The following ST7L variants were observed in gnomAD, a reference collection of about 807,000 sequenced individuals.
The protein encoded by ST7L is suppressor of tumorigenicity 7 protein-like.
A neutral mutation model predicts 72.5 loss-of-function variants in ST7L; 57 were observed. That is an observed-to-expected ratio of 0.79 (90% CI 0.64 to 0.98). The LOEUF is 0.98. ST7L is among the 50% of genes least tolerant of loss of function. ST7L has a pLI of 0.00. For synonymous variants in ST7L, 221 were observed against 240.9 expected, an observed-to-expected ratio of 0.92 and a Z score of 0.77; for missense variants, 576 against 672.2, an observed-to-expected ratio of 0.86 and a Z score of 1.58.
intron 2 of ST7L, among the ~76,000 whole-genome samples, chr1:112,616,051 T>C (rs1669824707): frequency 6.6e-6 from 1 of 152,124 alleles, no homozygotes; most frequent in South Asian, 2.1e-4. Flanking sequence ...TGGGTTCTCT[T>C]TAAATCATTT....
chr1:112,521,923 A>G (rs1652903312), downstream of ST7L: 1 of 152,192 alleles, frequency 6.6e-6, no homozygotes. Flanking sequence ...CGGGTTAAAA[A>G]TCACAGCTGT....
rs115118858 is a variant in ST7L at position 112,611,581 on chromosome 1, T to C, written c.289-578A>G. On this transcript the variant is annotated intron_variant, in intron 2 of 14. Transcript: ENST00000358039. ...AAGGTTAAGGTCAAGTTGATTCCCA[T>C]ATTGAACCATTTAAAAATCAGGATA... Among the ~76,000 whole-genome samples, 112 of 152,326 alleles carry C rather than the reference T, an allele frequency of 7.4e-4. 1 individual carries two copies. The highest frequency in any genetic ancestry group is 2.6e-3 in the African/African-American group (108 of 41,570).
chr1:112,523,771 T>C lies in ST7L; in HGVS notation c.*2242A>G, dbSNP rs1363130820. The C allele has an allele frequency of 1.3e-5, 2 of 152,126 alleles. No homozygotes were observed. The highest frequency in any genetic ancestry group is 4.8e-5 in the African/African-American group (2 of 41,412). The allele number at this position is 152,126 out of a possible 1,614,324, so 9.4% of individuals were successfully genotyped here. On this transcript the variant is annotated 3_prime_UTR_variant, in exon 15 of 15. Coordinates refer to ENST00000358039, the MANE Select transcript of ST7L (RefSeq NM_017744.5). ...GCTATTTAGATACAAACTTAAAACA[T>C]ACTATATATTTTAAGGATCTAAGAA...
At chr1:112,602,092 AAAAAAAAAAAAG>A (rs1485792462) in intron 3 of ST7L, among the ~76,000 whole-genome samples, 4 of 93,432 alleles carry the variant, frequency 4.3e-5, no homozygotes, top group African/African-American at 1.5e-4. Context: ...CCAAAAAAAA[AAAAAAAAAAAAG>A]AAAAGAAAAG....
chr1:112,619,680 G>C (rs187457672), upstream of ST7L: 48 of 600,090 alleles, frequency 8.0e-5, no homozygotes, highest in East Asian at 1.3e-3. Context: ...GCGGGCGCGG[G>C]CGCTGGCGTT....
At chr1:112,614,037 G>GT (rs1488399789) in intron 2 of ST7L, among the ~76,000 whole-genome samples, 1 of 152,062 alleles carries the variant, frequency 6.6e-6, no homozygotes, top group Non-Finnish European at 1.5e-5. Context: ...GCCACAAAAA[G>GT]TTTTTTACAA....
At chr1:112,532,941 A>G (rs1452056944) in intron 14 of ST7L, among the ~76,000 whole-genome samples, 1 of 152,222 alleles carries the variant, frequency 6.6e-6, no homozygotes, top group Non-Finnish European at 1.5e-5. Context: ...CTTTAGGGAA[A>G]AAAGTTATAG....
Position 112,584,128 on chromosome 1 carries a change from T to C in ST7L, c.702-2A>G. ...AGTAGAACATATGCAGTGGCACAGC[T>C]ATGAAGAAAGCAAGAAGGCAATTTT... On this transcript the variant is annotated splice_acceptor_variant, in intron 6 of 14. Transcript: ENST00000358039. LOFTEE classifies it high-confidence loss of function. 2 of 1,609,272 alleles carry C rather than the reference T, an allele frequency of 1.2e-6. No individual in the cohort carries two copies. The highest frequency in any genetic ancestry group is 1.7e-6 in the Non-Finnish European group (2 of 1,178,692).
At chr1:112,546,232 T>C (rs1657023399) in intron 13 of ST7L, among the ~76,000 whole-genome samples, 1 of 148,154 alleles carries the variant, frequency 6.7e-6, no homozygotes, top group Non-Finnish European at 1.5e-5. Flanking sequence ...GTGGGGAGGA[T>C]ATTTTGAGCC....
At chr1:112,533,768 G>A (rs958030822) in intron 14 of ST7L, among the ~76,000 whole-genome samples, 4 of 152,050 alleles carry the variant, frequency 2.6e-5, no homozygotes, top group African/African-American at 9.7e-5. Context: ...TGATTCTCCT[G>A]TCTCCGCCTT....
chr1:112,614,544 G>GT (rs534885670), intron 2 of ST7L, among the ~76,000 whole-genome samples: 133 of 152,084 alleles, frequency 8.7e-4, no homozygotes, highest in African/African-American at 3.0e-3. Flanking sequence ...TCTCGTTCTT[G>GT]TTTGGCATTT....
chr1:112,552,702 C>A (rs114078582), intron 12 of ST7L, among the ~76,000 whole-genome samples: 3,068 of 152,250 alleles, frequency 0.02, 106 homozygotes, highest in African/African-American at 0.069. Context: ...CCATGCCCAG[C>A]CTAGACTTTA....
At chr1:112,542,848 G>A (rs1656376892) in intron 13 of ST7L, among the ~76,000 whole-genome samples, 1 of 151,924 alleles carries the variant, frequency 6.6e-6, no homozygotes, top group Non-Finnish European at 1.5e-5. Context: ...TGCCTAGGCT[G>A]GAGTGCAGTG....
At chr1:112,577,223 A>AAC in intron 10 of ST7L, 135 bp from the exon 11 acceptor site, 1 of 173,400 alleles carries the variant, frequency 5.8e-6, no homozygotes, top group African/African-American at 3.5e-5. Context: ...GAGGACTAAC[A>AAC]AAAAAAAAAA....
At chr1:112,569,692 C>T (rs1374656797) in intron 11 of ST7L, among the ~76,000 whole-genome samples, 1 of 152,202 alleles carries the variant, frequency 6.6e-6, no homozygotes, top group African/African-American at 2.4e-5. Context: ...GGCGCAGTGG[C>T]TTACGCCTGT....
intron 11 of ST7L, among the ~76,000 whole-genome samples, chr1:112,561,173 C>T (rs903038513): frequency 6.6e-6 from 1 of 151,616 alleles, no homozygotes; most frequent in Non-Finnish European, 1.5e-5. Flanking sequence ...TGATTTTTTT[C>T]AGTCTTTTTT....
chr1:112,539,060 A>G (rs1655664924), intron 14 of ST7L: 1 of 152,142 alleles, frequency 6.6e-6, no homozygotes, highest in Non-Finnish European at 1.5e-5. Context: ...CCTCTTTTCC[A>G]CCTTGACAAG....
rs1653355637 is a variant in ST7L, at chr1:112,526,227, T to A, written c.1630-116A>T. ...ACAGCCTAGGCCCTCCTGAACCTTA[T>A]CAACCAATGGCTCTTTTGCCATTTC... is the stretch of plus-strand genomic sequence containing the variant. On this transcript the variant is annotated intron_variant, in intron 14 of 14. Coordinates refer to ENST00000358039, the MANE Select transcript of ST7L (RefSeq NM_017744.5). The A allele has an allele frequency of 2.1e-6, 3 of 1,417,366 alleles. No individual in the cohort carries two copies. In the East Asian group the frequency reaches 6.9e-5, roughly 33 times the overall value. 87.8% of individuals were successfully genotyped at this position (1,417,366 alleles called of 1,614,324 possible). A position where few individuals can be genotyped will look rare whatever the true frequency, so the allele number is the denominator to read the frequency against.
chr1:112,577,034 G>A lies in ST7L; in HGVS notation c.1197C>T (p.Ala399=), dbSNP rs199886605. The A allele has an allele frequency of 1.8e-5, 29 of 1,610,182 alleles. No individual in the cohort carries two copies. Among genetic ancestry groups the A allele is most frequent in the East Asian group, 6.7e-5 (3 of 44,788 alleles). Residue 399 remains alanine, a synonymous_variant, in exon 11 of 15, where the codon GCC becomes GCT. Transcript: ENST00000358039. The stretch of plus-strand genomic sequence containing the variant: ...CCACAGCTCTATGAATTGCTTCCAC[G>A]GCATTAATTTCTGCTGTGCTTAATC... ...RRGLSTAEIN[A]VEAIHRAVEF...
Sources: allele counts gnomAD v4.1 joint callset (sites outside exome capture counted in the v4.1 genomes callset), GRCh38; gene constraint gnomAD v4.1.1; transcripts MANE v1.5; gene names NCBI Gene and HGNC (gene_info 2026-07-23, HGNC 2026-07-21).